The following SAFB variants were observed in gnomAD, a reference collection of about 807,000 sequenced individuals.
SAFB encodes scaffold attachment factor B.
In SAFB, 15 loss-of-function variants were observed where a neutral mutation model predicts 101.6. That is an observed-to-expected ratio of 0.15 (90% confidence interval 0.10 to 0.23). SAFB has a LOEUF of 0.23. Ranked by LOEUF, SAFB falls within the 10% of genes least tolerant of loss-of-function variation. The pLI, the probability that SAFB is intolerant of heterozygous loss-of-function variation, is 1.00. For synonymous variants in SAFB, 449 were observed against 407.5 expected (o/e 1.10, Z -1.23); for missense variants, 930 against 1,104.1 (o/e 0.84, Z 2.23).
chr19:5,647,712 A>G (rs78933820), intron 5 of SAFB, among the ~76,000 whole-genome samples: 1 of 152,170 alleles, frequency 6.6e-6, no homozygotes, highest in Non-Finnish European at 1.5e-5. Flanking sequence ...AAATGAAAAC[A>G]CTGCTCTCCT....
intron 1 of SAFB, among the ~76,000 whole-genome samples, chr19:5,625,271 G>A (rs1292187371): frequency 6.6e-6 from 1 of 152,180 alleles, no homozygotes; most frequent in African/African-American, 2.4e-5. Context: ...CAGGACACCT[G>A]CCTAGGGCAT....
chr19:5,665,815 G>C (rs749513917), intron 17 of SAFB: 6 of 152,202 alleles, frequency 3.9e-5, no homozygotes, highest in Admixed American at 6.5e-5. Flanking sequence ...CAGTTACGTG[G>C]GTTGGTTGGA....
intron 2 of SAFB, among the ~76,000 whole-genome samples, chr19:5,637,325 C>T (rs1348102902): frequency 7.3e-6 from 1 of 137,632 alleles, no homozygotes; most frequent in Non-Finnish European, 1.5e-5. Flanking sequence ...GCCTGGGCTA[C>T]AGAGCCAGAC....
At chr19:5,647,966 C>T in intron 5 of SAFB, 50 bp from the exon 6 acceptor site, 1 of 1,512,252 alleles carries the variant, frequency 6.6e-7, no homozygotes, top group South Asian at 1.1e-5. Flanking sequence ...TTTAAATAAA[C>T]TGTAGGTGTC....
intron 14 of SAFB, among the ~76,000 whole-genome samples, chr19:5,660,049 G>GCAGT (rs1227079176): frequency 6.6e-6 from 1 of 152,198 alleles, no homozygotes; most frequent in East Asian, 1.9e-4. Context: ...TAAGGAGGTT[G>GCAGT]CAGTCATTTG....
rs996550346 is a variant in SAFB, at chr19:5,667,707, G to A, written c.2558-113G>A. Reference sequence around the variant, plus strand: ...GTGCCCAGGTGTCTTCCTGGGACCCGCTAGTTGTGGGTACCTGGGGGCCTC... The same window carrying A: ...GTGCCCAGGTGTCTTCCTGGGACCCACTAGTTGTGGGTACCTGGGGGCCTC... On this transcript the variant is annotated intron_variant, in intron 19 of 20. Transcript: ENST00000588852. The surrounding 1 kb of genome is among the most constrained non-coding windows in gnomAD (Gnocchi z 4.0). 22 of 1,010,566 alleles carry A rather than the reference G, an allele frequency of 2.2e-5. No homozygotes were observed. The highest frequency in any genetic ancestry group is 1.9e-4 in the African/African-American group (12 of 62,634). The allele number at this position is 1,010,566 out of a possible 1,614,324, so 62.6% of individuals were successfully genotyped here. A position where few individuals can be genotyped will look rare whatever the true frequency, so the allele number is the denominator to read the frequency against.
intron 15 of SAFB, 78 bp downstream of exon 15, chr19:5,661,886 T>G: frequency 5.7e-5 from 7 of 123,050 alleles, no homozygotes; most frequent in Non-Finnish European, 1.0e-4. Context: ...TAGCTTGAGA[T>G]TTTTTTTTTT....
chr19:5,661,356 T>G, intron 14 of SAFB, 162 bp from the exon 15 acceptor site: 1 of 1,281,942 alleles, frequency 7.8e-7, no homozygotes, highest in South Asian at 1.5e-5. Flanking sequence ...GCTGCTCCTG[T>G]GGGCCCGAGA....
intron 2 of SAFB, among the ~76,000 whole-genome samples, chr19:5,640,787 C>T (rs908782928): frequency 1.3e-5 from 2 of 152,102 alleles, no homozygotes; most frequent in Non-Finnish European, 2.9e-5. Flanking sequence ...GACAGGGTTT[C>T]GTCAGGTTGG....
At chr19:5,661,333 G>T (rs1423394102) in intron 14 of SAFB, among the ~76,000 whole-genome samples, 185 bp from the exon 15 acceptor site, 1 of 151,976 alleles carries the variant, frequency 6.6e-6, no homozygotes, top group Admixed American at 6.5e-5. Flanking sequence ...CCTCACTCCT[G>T]AGATCTTCCT....
At chr19:5,661,410 T>A in intron 14 of SAFB, 108 bp from the exon 15 acceptor site, 1 of 1,532,724 alleles carries the variant, frequency 6.5e-7, no homozygotes, top group Non-Finnish European at 8.8e-7. Flanking sequence ...GACCACGTAG[T>A]GGACGCACAG....
intron 14 of SAFB, among the ~76,000 whole-genome samples, chr19:5,660,342 C>CTTTTTTTTTTTTTTTTTTTT (rs11360129): frequency 2.0e-5 from 1 of 50,904 alleles, no homozygotes; most frequent in African/African-American, 7.5e-5. Flanking sequence ...CTGCACACAC[C>CTTTTTTTTTTTTTTTTTTTT]TTTTTTTTTT....
In SAFB at chr19:5,663,105, C is replaced by T. The variant is rs899290094; in HGVS notation, c.2154-917C>T. Among the ~76,000 whole-genome samples, 9 of 152,264 alleles carry T rather than the reference C, an allele frequency of 5.9e-5. No individual in the cohort carries two copies. In the East Asian group the frequency reaches 1.5e-3, roughly 26 times the overall value. On this transcript the variant is annotated intron_variant, in intron 15 of 20. Transcript: ENST00000588852. ...GCAGCTTCCGCCTCCTGGGTTCAAGCAATTCTCCTGCTTCACTCTCCCAAG... is the reference window on the plus strand; with the variant it reads ...GCAGCTTCCGCCTCCTGGGTTCAAGTAATTCTCCTGCTTCACTCTCCCAAG...
intron 14 of SAFB, among the ~76,000 whole-genome samples, chr19:5,660,675 T>C (rs994715857): frequency 7.5e-6 from 1 of 132,656 alleles, no homozygotes; most frequent in African/African-American, 2.9e-5. Flanking sequence ...GCTCAGGAGT[T>C]CGAGAACAGC....
At chr19:5,664,281 G>T (rs570976431) in intron 16 of SAFB, 116 bp from the exon 17 acceptor site, 6 of 1,430,362 alleles carry the variant, frequency 4.2e-6, no homozygotes, top group Non-Finnish European at 5.9e-6. Context: ...AGTCAGACCC[G>T]CAGGTCTCCT....
intron 4 of SAFB, among the ~76,000 whole-genome samples, chr19:5,642,294 A>G (rs1330149183): frequency 6.6e-6 from 1 of 152,210 alleles, no homozygotes; most frequent in Non-Finnish European, 1.5e-5. Flanking sequence ...CCTGTTAAGA[A>G]GCAATTGTTG....
chr19:5,656,534 C>T (rs1038597219), intron 13 of SAFB, among the ~76,000 whole-genome samples: 1 of 151,286 alleles, frequency 6.6e-6, no homozygotes, highest in Non-Finnish European at 1.5e-5. Flanking sequence ...TCCCGGCCTC[C>T]CAAAGTGGTA....
intron 2 of SAFB, among the ~76,000 whole-genome samples, chr19:5,640,920 T>G (rs1474314250): frequency 6.9e-6 from 1 of 145,482 alleles, no homozygotes; most frequent in Non-Finnish European, 1.5e-5. Context: ...AGTATGTGGG[T>G]TTTTTGTTTT....
chr19:5,654,055 T>G lies in SAFB; in HGVS notation c.1527-6T>G. ...CACGCCCAGCCAACATGTCTGTTTT[T>G]TATAGATCTACAAACCTTAAGAGGG... On this transcript the variant is annotated splice_region_variant and splice_polypyrimidine_tract_variant and intron_variant, in intron 11 of 20. Transcript: ENST00000588852. 1 of 1,613,880 alleles carries G rather than the reference T, an allele frequency of 6.2e-7. No individual in the cohort carries two copies. Among genetic ancestry groups the G allele is most frequent in the Non-Finnish European group, 8.5e-7 (1 of 1,179,920 alleles).
Sources: allele counts gnomAD v4.1 joint callset (sites outside exome capture counted in the v4.1 genomes callset), GRCh38; gene constraint gnomAD v4.1.1; non-coding constraint Gnocchi (gnomAD v3.1); transcripts MANE v1.5; gene names NCBI Gene and HGNC (gene_info 2026-07-23, HGNC 2026-07-21).